Variants in MYO3B observed in about 807,000 individuals in gnomAD.
MYO3B encodes the protein myosin IIIB, also known as myosin-IIIb.
MYO3B carries 156 observed loss-of-function variants against 174.6 expected under a neutral mutation model. The ratio of observed to expected loss-of-function variants is 0.89; its 90% CI spans 0.78 to 1.02. MYO3B has a LOEUF of 1.02. Among genes scored for constraint, MYO3B ranks in the 50% least tolerant of loss-of-function variants. The pLI, the probability that MYO3B is intolerant of heterozygous loss-of-function variation, is 0.00. For synonymous variants in MYO3B, 563 were observed against 569.1 expected (o/e 0.99, Z 0.15); for missense variants, 1,632 against 1,639.4 (o/e 1.00, Z 0.08).
intron 7 of MYO3B, among the ~76,000 whole-genome samples, chr2:170,237,053 G>T (rs570326070): frequency 2.0e-5 from 3 of 152,312 alleles, no homozygotes; most frequent in African/African-American, 7.2e-5. Context: ...ACCTAATCCA[G>T]ATGTGAACAA....
intron 30 of MYO3B, among the ~76,000 whole-genome samples, chr2:170,528,631 C>T (rs1012852371): frequency 5.9e-5 from 9 of 152,186 alleles, no homozygotes; most frequent in Non-Finnish European, 1.3e-4. Flanking sequence ...GTCTCAATCT[C>T]TTGACCTCAA....
At chr2:170,641,843 G>T in intron 32 of MYO3B, among the ~76,000 whole-genome samples, 2 of 99,350 alleles carry the variant, frequency 2.0e-5, no homozygotes, top group African/African-American at 4.0e-5. Context: ...AAATATTTAT[G>T]ACTTTATTGT....
intron 25 of MYO3B, among the ~76,000 whole-genome samples, chr2:170,473,139 C>CTTTTTTTTTTTTTTTTTT (rs66837903): frequency 1.6e-3 from 153 of 96,446 alleles, no homozygotes; most frequent in Non-Finnish European, 2.2e-3. Context: ...TTTTTCTTTT[C>CTTTTTTTTTTTTTTTTTT]TTTTTTTTTT....
chr2:170,402,859 G>C lies in MYO3B; in HGVS notation c.2141G>C (p.Gly714Ala). 6.2e-7 allele frequency: 1 copy of C among 1,610,270 alleles called. No individual in the cohort carries two copies. The highest frequency in any genetic ancestry group is 8.5e-7 in the Non-Finnish European group (1 of 1,177,194). ...TCTCTCTCATGCAGTAGTGCAGGAG[G>C]TGGAATGAATGTGGGGATCTTGGAT... is the stretch of plus-strand genomic sequence containing the variant. ...QPDENICSAG[G>A]GMNVGILDIF... The change falls in exon 19 of 35, where the codon GGT (glycine) becomes GCT (alanine). Residue 714 changes from glycine (G) to alanine (A), a missense_variant. Transcript: ENST00000408978.
At chr2:170,607,016 G>T (rs539429753) in intron 32 of MYO3B, among the ~76,000 whole-genome samples, 2 of 152,010 alleles carry the variant, frequency 1.3e-5, no homozygotes, top group African/African-American at 4.8e-5. Flanking sequence ...GCGAAACTCC[G>T]TCTCAAAAAA....
intron 9 of MYO3B, among the ~76,000 whole-genome samples, chr2:170,375,305 C>A (rs894433813): frequency 3.9e-5 from 6 of 152,120 alleles, no homozygotes. Flanking sequence ...AGTGAAACCA[C>A]TCTCTGGAAT....
intron 30 of MYO3B, chr2:170,524,686 G>A (rs1167753546): frequency 3.0e-6 from 1 of 328,694 alleles, no homozygotes; most frequent in Non-Finnish European, 6.0e-6. Context: ...GTTTTACCAT[G>A]TTGGTCAGGC....
At position 170,404,344 on chromosome 2, in the gene MYO3B, T is replaced by G. The variant is rs554919689; in HGVS notation, c.2375T>G (p.Leu792Arg). Residue 792 changes from leucine (L) to arginine (R), a missense_variant, in exon 20 of 35, where the codon CTT becomes CGT. Leu to Arg is a moderately radical substitution (Grantham distance 102). Coordinates refer to ENST00000408978, the MANE Select transcript of MYO3B (RefSeq NM_138995.5). ...DMFLQKPLGL[L>R]ALLDEESRFP... ...TTCCTCCAGAAACCCCTGGGACTGC[T>G]TGCACTTTTGGATGAGGAAAGTCGG... 6.2e-7 allele frequency: 1 copy of G among 1,613,912 alleles called. No individual in the cohort carries two copies. The highest frequency in any genetic ancestry group is 2.2e-5 in the East Asian group (1 of 44,866).
At chr2:170,445,115 CAT>C (rs374372104) in intron 23 of MYO3B, among the ~76,000 whole-genome samples, 39 of 152,276 alleles carry the variant, frequency 2.6e-4, no homozygotes, top group African/African-American at 7.0e-4. Flanking sequence ...TCATTTTACA[CAT>C]GTTTCTGTTA....
chr2:170,501,744 T>A, intron 27 of MYO3B, 41 bp from the exon 28 acceptor site: 1 of 1,400,120 alleles, frequency 7.1e-7, no homozygotes, highest in Non-Finnish European at 1.0e-6. Context: ...GGCACGTTCT[T>A]AAATTAATGT....
At chr2:170,427,779 C>T (rs529431293) in intron 22 of MYO3B, among the ~76,000 whole-genome samples, 2 of 152,054 alleles carry the variant, frequency 1.3e-5, no homozygotes, top group African/African-American at 4.8e-5. Context: ...TAAAATATAA[C>T]AAAAATAACT....
intron 23 of MYO3B, among the ~76,000 whole-genome samples, chr2:170,445,490 C>A (rs776485438): frequency 6.6e-6 from 1 of 152,110 alleles, no homozygotes; most frequent in Admixed American, 6.5e-5. Flanking sequence ...TACAGGCATG[C>A]ACCACCTGGC....
chr2:170,336,891 T>G (rs1204120631), intron 8 of MYO3B, among the ~76,000 whole-genome samples: 2 of 151,992 alleles, frequency 1.3e-5, no homozygotes, highest in Admixed American at 6.6e-5. Flanking sequence ...CCTCCTGGAC[T>G]TTTGCCATGT....
intron 7 of MYO3B, among the ~76,000 whole-genome samples, chr2:170,243,144 C>T (rs2093153531): frequency 6.6e-6 from 1 of 152,214 alleles, no homozygotes; most frequent in African/African-American, 2.4e-5. Context: ...TAGTATGTAA[C>T]AAACCATCCC....
chr2:170,423,623 C>T lies in MYO3B; in HGVS notation c.2650+15779C>T, dbSNP rs540468877. ...TTTTTGAGACAGAATTCACTCTCAC[C>T]AGGCCAGAGTGCAGTGGTGCGATCT... On this transcript the variant is annotated intron_variant, in intron 22 of 34. Transcript: ENST00000408978. Among the ~76,000 whole-genome samples the T allele has an allele frequency of 3.5e-5, 5 of 142,210 alleles. No individual in the cohort carries two copies. In the South Asian group the frequency reaches 1.1e-3, roughly 32 times the overall value. 93.3% of individuals were successfully genotyped at this position (142,210 alleles called of 152,430 possible).
At chr2:170,545,423 G>A (rs1194722729) in intron 32 of MYO3B, among the ~76,000 whole-genome samples, 3 of 152,194 alleles carry the variant, frequency 2.0e-5, no homozygotes, top group Admixed American at 6.5e-5. Flanking sequence ...TTTAGTAAAT[G>A]TCAATTGCTG....
intron 8 of MYO3B, among the ~76,000 whole-genome samples, chr2:170,339,543 A>G (rs1323919228): frequency 6.6e-6 from 1 of 152,182 alleles, no homozygotes; most frequent in Non-Finnish European, 1.5e-5. Context: ...GTGCACGTGC[A>G]TACGCGTGTA....
At chr2:170,496,847 C>T (rs552724530) in intron 25 of MYO3B, among the ~76,000 whole-genome samples, 16 of 151,984 alleles carry the variant, frequency 1.1e-4, no homozygotes, top group Admixed American at 3.9e-4. Flanking sequence ...AGGCTGGTCT[C>T]GAACTCTTGG....
In MYO3B at chr2:170,542,907, C is replaced by A; in HGVS notation, c.3577C>A (p.His1193Asn). ...TTATTATTATTGTTATCTTTTCAGG[C>A]ATTCACAAGCCCAGAGTTCTCCAAA... ...NSPAVTEKNG[H>N]SQAQSSPKGC... is the part of the protein sequence containing the mutation. The change falls in exon 31 of 35, where the codon CAT (histidine) becomes AAT (asparagine). Residue 1193 changes from histidine to asparagine, a missense_variant and splice_region_variant. Coordinates refer to ENST00000408978, the MANE Select transcript of MYO3B (RefSeq NM_138995.5). 1 of 1,598,540 alleles carries A rather than the reference C, an allele frequency of 6.3e-7. No homozygotes were observed. The highest frequency in any genetic ancestry group is 8.5e-7 in the Non-Finnish European group (1 of 1,171,734).
Sources: gnomAD v4.1 joint callset for allele counts (sites outside exome capture counted in the v4.1 genomes callset) on GRCh38, gnomAD v4.1.1 for gene constraint, MANE v1.5 for transcripts, NCBI Gene and HGNC (gene_info 2026-07-23, HGNC 2026-07-21) for gene names.